CLSTN2: variants seen among roughly 807,000 people sequenced by gnomAD.
CLSTN2 encodes calsyntenin 2, also known as calsyntenin-2.
Under a neutral mutation model 101.2 loss-of-function variants are expected in CLSTN2, and 48 were observed. The ratio of observed to expected loss-of-function variants is 0.47; its 90% CI spans 0.38 to 0.60. The LOEUF (loss-of-function observed/expected upper bound fraction) is 0.60, where lower values mean the gene tolerates loss of function less well. Ranked by LOEUF, CLSTN2 falls within the 20% of genes least tolerant of loss-of-function variation. The probability of loss-of-function intolerance (pLI) is 0.00; values close to 1 mark genes in which losing one functional copy is unlikely to be tolerated. For missense variants in CLSTN2, 1,160 were observed against 1,238.2 expected (o/e 0.94, Z 0.95); for synonymous variants, 481 against 463.6 (o/e 1.04, Z -0.48).
intron 4 of CLSTN2, among the ~76,000 whole-genome samples, chr3:140,417,919 A>C (rs777451545): frequency 3.3e-5 from 5 of 152,148 alleles, no homozygotes; most frequent in Non-Finnish European, 5.9e-5. Context: ...GGTGGTGGAG[A>C]AGGTAAATTA....
intron 1 of CLSTN2, among the ~76,000 whole-genome samples, chr3:139,956,307 T>C (rs892131527): frequency 1.3e-5 from 2 of 152,218 alleles, no homozygotes; most frequent in African/African-American, 4.8e-5. Context: ...TTTGTACTCA[T>C]TGAAGGCGAG....
intron 4 of CLSTN2, among the ~76,000 whole-genome samples, chr3:140,417,801 T>G (rs551209153): frequency 6.6e-4 from 101 of 152,362 alleles, no homozygotes; most frequent in Non-Finnish European, 1.2e-3. Flanking sequence ...CTTATTGAAA[T>G]ATGACCTTCT....
chr3:140,238,181 A>C (rs1374723162), intron 2 of CLSTN2, among the ~76,000 whole-genome samples: 1 of 152,290 alleles, frequency 6.6e-6, no homozygotes, highest in South Asian at 2.1e-4. Flanking sequence ...ATTTCTTCTG[A>C]CCCTTTGGGG....
rs184795616 is a variant in CLSTN2 at position 139,981,087 on chromosome 3, G to A, written c.109+45604G>A. Among the ~76,000 whole-genome samples the A allele has an allele frequency of 2.0e-3, 302 of 151,688 alleles. 3 individuals are homozygous for A. The highest frequency in any genetic ancestry group is 7.1e-3 in the African/African-American group (295 of 41,476). On this transcript the variant is annotated intron_variant, in intron 1 of 16. Transcript: ENST00000458420. ...GGGCAATCAAAGCTATCTTGCCTGTGGGTCATCTGCACATATTTGGGTTTT... is the reference window on the plus strand; with the variant it reads ...GGGCAATCAAAGCTATCTTGCCTGTAGGTCATCTGCACATATTTGGGTTTT...
At chr3:139,966,068 T>C (rs1935593493) in intron 1 of CLSTN2, among the ~76,000 whole-genome samples, 1 of 152,066 alleles carries the variant, frequency 6.6e-6, no homozygotes, top group East Asian at 1.9e-4. Context: ...GTGGAAAAGG[T>C]GCTCTGGGTT....
chr3:140,415,958 C>T (rs944891645), intron 4 of CLSTN2, among the ~76,000 whole-genome samples: 1 of 152,088 alleles, frequency 6.6e-6, no homozygotes, highest in Non-Finnish European at 1.5e-5. Flanking sequence ...ACCTAAGTGA[C>T]TGTTGACAGA....
chr3:140,433,075 A>G (rs765453972), intron 5 of CLSTN2, among the ~76,000 whole-genome samples: 4 of 152,218 alleles, frequency 2.6e-5, no homozygotes, highest in Non-Finnish European at 5.9e-5. Flanking sequence ...ATTTCCTACA[A>G]TGCATCTCAA....
At chr3:140,359,030 C>T (rs951064830) in intron 2 of CLSTN2, among the ~76,000 whole-genome samples, 16 of 152,062 alleles carry the variant, frequency 1.1e-4, no homozygotes, top group Non-Finnish European at 1.8e-4. Flanking sequence ...AAGATCCTGT[C>T]GTTCAAAGTG....
chr3:140,329,181 G>T (rs182416386), intron 2 of CLSTN2, among the ~76,000 whole-genome samples: 5 of 152,244 alleles, frequency 3.3e-5, no homozygotes, highest in Middle Eastern at 3.4e-3. Context: ...GAGGTCGGGA[G>T]TTTGAGACCA....
intron 1 of CLSTN2, among the ~76,000 whole-genome samples, chr3:139,998,336 CTTT>C (rs60541490): frequency 3.3e-4 from 22 of 66,812 alleles, no homozygotes; most frequent in Admixed American, 1.2e-3. Context: ...CCCCACATGC[CTTT>C]TTTTTTTTTT....
At chr3:140,422,309 A>C (rs1256398440) in intron 5 of CLSTN2, among the ~76,000 whole-genome samples, 1 of 152,026 alleles carries the variant, frequency 6.6e-6, no homozygotes, top group Non-Finnish European at 1.5e-5. Flanking sequence ...CCACCCTATA[A>C]ATCTCTGGTC....
intron 1 of CLSTN2, among the ~76,000 whole-genome samples, chr3:140,050,246 T>G (rs550913395): frequency 6.6e-6 from 1 of 152,242 alleles, no homozygotes; most frequent in East Asian, 1.9e-4. Context: ...CAACGCCATC[T>G]CTCCAAGCCT....
intron 2 of CLSTN2, among the ~76,000 whole-genome samples, chr3:140,268,529 T>C (rs969049059): frequency 3.9e-5 from 6 of 152,210 alleles, no homozygotes; most frequent in Non-Finnish European, 8.8e-5. Flanking sequence ...AGCTTTCATG[T>C]GGCACTCTGG....
chr3:140,122,098 C>T (rs1453842147), intron 1 of CLSTN2, among the ~76,000 whole-genome samples: 2 of 152,208 alleles, frequency 1.3e-5, no homozygotes, highest in African/African-American at 4.8e-5. Context: ...CTGGCTGTAT[C>T]TCCCCATGGT....
chr3:140,005,576 T>A (rs1237770184), intron 1 of CLSTN2, among the ~76,000 whole-genome samples: 2 of 152,144 alleles, frequency 1.3e-5, no homozygotes. Flanking sequence ...TATGTGCTCA[T>A]CCCTAAACTG....
At chr3:140,393,212 T>C (rs887732614) in intron 2 of CLSTN2, among the ~76,000 whole-genome samples, 2 of 152,206 alleles carry the variant, frequency 1.3e-5, no homozygotes, top group African/African-American at 4.8e-5. Flanking sequence ...GGTAAACTTC[T>C]GACTGGTTCA....
rs113361718 is a variant in CLSTN2 at position 140,109,151 on chromosome 3, A to T, written c.110-66800A>T. 3.9e-5 allele frequency among the ~76,000 whole-genome samples: 6 copies of T among 152,312 alleles called. 1 individual carries two copies. Among genetic ancestry groups the T allele is most frequent in the African/African-American group, 1.4e-4 (6 of 41,572 alleles). On this transcript the variant is annotated intron_variant, in intron 1 of 16. Coordinates refer to ENST00000458420, the MANE Select transcript of CLSTN2 (RefSeq NM_022131.3). ...TCTTTATGGGGTCTCAGCATGTTAC[A>T]CATGGAAACGTCTTATTTTTTTTCC...
chr3:140,552,124 C>CT (rs949151890), intron 10 of CLSTN2, among the ~76,000 whole-genome samples: 1 of 152,100 alleles, frequency 6.6e-6, no homozygotes. Context: ...AGGGACTTCC[C>CT]TGATGGTCCA....
rs117005411 is a variant in CLSTN2 at position 140,400,815 on chromosome 3, C to T, written c.233-2814C>T. 5.9e-3 allele frequency among the ~76,000 whole-genome samples: 905 copies of T among 152,330 alleles called. 16 individuals are homozygous for T. The East Asian group carries it at 0.079, about 13-fold the overall frequency. On this transcript the variant is annotated intron_variant, in intron 2 of 16. Coordinates refer to ENST00000458420, the MANE Select transcript of CLSTN2 (RefSeq NM_022131.3). ...AGCCTGTGAAGCTAGCTCTGCCCCA[C>T]GGCCTCCACTCCTGCCACACTGGGC... is the stretch of plus-strand genomic sequence containing the variant.
Sources: gnomAD v4.1 joint callset for allele counts (sites outside exome capture counted in the v4.1 genomes callset) on GRCh38, gnomAD v4.1.1 for gene constraint, MANE v1.5 for transcripts, NCBI Gene and HGNC (gene_info 2026-07-23, HGNC 2026-07-21) for gene names.